The following SHC4 variants were observed in gnomAD, a reference collection of about 807,000 sequenced individuals.
The protein encoded by SHC4 is SHC-transforming protein 4.
SHC4 carries 41 observed loss-of-function variants against 69.4 expected under a neutral mutation model. The ratio of observed to expected loss-of-function variants is 0.59; its 90% CI spans 0.46 to 0.77. SHC4 has a LOEUF of 0.77. Among genes scored for constraint, SHC4 ranks in the 30% least tolerant of loss-of-function variants. SHC4 has a pLI of 0.00. For synonymous variants in SHC4, 318 were observed against 299.3 expected (o/e 1.06, Z -0.64); for missense variants, 777 against 783.8 (o/e 0.99, Z 0.10).
At chr15:48,875,983 T>C (rs1372700115) in intron 4 of SHC4, among the ~76,000 whole-genome samples, 2 of 152,238 alleles carry the variant, frequency 1.3e-5, no homozygotes, top group African/African-American at 4.8e-5. Flanking sequence ...CACACACGTC[T>C]TCTCTTACAC....
chr15:48,888,061 C>G (rs1405897848), intron 3 of SHC4, among the ~76,000 whole-genome samples: 3 of 151,942 alleles, frequency 2.0e-5, no homozygotes, highest in Non-Finnish European at 4.4e-5. Flanking sequence ...TATGGCAGTT[C>G]CTAAAAAAAT....
intron 10 of SHC4, among the ~76,000 whole-genome samples, chr15:48,839,138 A>G (rs984382453): frequency 1.3e-5 from 2 of 152,220 alleles, no homozygotes; most frequent in Non-Finnish European, 2.9e-5. Context: ...AAAATTACCA[A>G]TAACAGGAAA....
intron 1 of SHC4, among the ~76,000 whole-genome samples, chr15:48,952,109 G>A (rs956794578): frequency 2.6e-5 from 4 of 152,184 alleles, no homozygotes; most frequent in African/African-American, 9.7e-5. Flanking sequence ...CAAGCTGAGA[G>A]GGATGTGGGA....
At chr15:48,828,407 T>C (rs1420666107) in intron 11 of SHC4, among the ~76,000 whole-genome samples, 1 of 152,198 alleles carries the variant, frequency 6.6e-6, no homozygotes, top group African/African-American at 2.4e-5. Context: ...ATTTATTGTT[T>C]AGTGGATCTT....
chr15:48,923,698 G>A, intron 2 of SHC4, among the ~76,000 whole-genome samples: 1 of 130,744 alleles, frequency 7.6e-6, no homozygotes. Context: ...GGAGTGTATT[G>A]GCACAATCAT....
intron 2 of SHC4, among the ~76,000 whole-genome samples, chr15:48,909,409 CTT>C (rs1455782607): frequency 6.6e-6 from 1 of 151,850 alleles, no homozygotes; most frequent in Non-Finnish European, 1.5e-5. Context: ...TATCCAGAAA[CTT>C]TGCTGAATTC....
At chr15:48,838,400 T>C (rs999006567) in intron 10 of SHC4, among the ~76,000 whole-genome samples, 7 of 152,220 alleles carry the variant, frequency 4.6e-5, no homozygotes, top group Non-Finnish European at 7.3e-5. Flanking sequence ...AATCTGTGAA[T>C]AATGATAATT....
chr15:48,869,666 A>G (rs1474014857), intron 5 of SHC4, among the ~76,000 whole-genome samples: 1 of 152,238 alleles, frequency 6.6e-6, no homozygotes, highest in East Asian at 1.9e-4. Flanking sequence ...ACTTGACTCC[A>G]AAGCCTGGCA....
chr15:48,872,273 C>A, intron 4 of SHC4, 131 bp from the exon 5 acceptor site: 1 of 539,760 alleles, frequency 1.9e-6, no homozygotes, highest in Non-Finnish European at 3.3e-6. Context: ...AACCACCCAA[C>A]CTACACTCTA....
At chr15:48,860,869 T>G (rs1899426750) in intron 6 of SHC4, among the ~76,000 whole-genome samples, 1 of 152,240 alleles carries the variant, frequency 6.6e-6, no homozygotes, top group Non-Finnish European at 1.5e-5. Flanking sequence ...CTTTGAAGTC[T>G]TTTTGTTTTA....
chr15:48,860,721 G>A (rs969408964), intron 6 of SHC4, among the ~76,000 whole-genome samples: 7 of 152,126 alleles, frequency 4.6e-5, no homozygotes, highest in African/African-American at 1.7e-4. Flanking sequence ...AGGGCGATGA[G>A]AGAATAGGAT....
intron 10 of SHC4, among the ~76,000 whole-genome samples, chr15:48,838,025 AT>A (rs2140969679): frequency 1.3e-5 from 2 of 152,336 alleles, no homozygotes; most frequent in South Asian, 4.1e-4. Context: ...ATTAATTATT[AT>A]TTTAGCAAAG....
Position 48,962,745 on chromosome 15 carries a change from C to A in SHC4, c.271G>T (p.Ala91Ser), listed in dbSNP as rs202092595. 1 of 1,613,468 alleles carries A rather than the reference C, an allele frequency of 6.2e-7. No homozygotes were observed. Among genetic ancestry groups the A allele is most frequent in the East Asian group, 2.2e-5 (1 of 44,870 alleles). The change falls in exon 1 of 12, where the codon GCA becomes TCA. Residue 91 changes from alanine to serine, a missense_variant. Physicochemically the swap from Ala to Ser is moderately conservative, Grantham distance 99. Coordinates refer to ENST00000332408, the MANE Select transcript of SHC4 (RefSeq NM_203349.4). Reference sequence around the variant, plus strand: ...GCCGGGTTGGCCAGCTTCATGCTTGCCATGCGGGGGATCAAGGTGCACAGT... The same window carrying A: ...GCCGGGTTGGCCAGCTTCATGCTTGACATGCGGGGGATCAAGGTGCACAGT... ...TPLCTLIPRMASMKLANPATL... is the reference protein window; with the variant it reads ...TPLCTLIPRMSSMKLANPATL...
chr15:48,884,177 T>C lies in SHC4; in HGVS notation c.840+71A>G, dbSNP rs1168564408. On this transcript the variant is annotated intron_variant, in intron 4 of 11. Coordinates refer to ENST00000332408, the MANE Select transcript of SHC4 (RefSeq NM_203349.4). ...AGGCATACTCTGTCTAAAACTTTAT[T>C]CTTTTCATTATCCCCACGCTTCTCT... 3 of 1,469,916 alleles carry C rather than the reference T, an allele frequency of 2.0e-6. No homozygotes were observed. The African/African-American group carries it at 4.3e-5, about 21-fold the overall frequency. The allele number at this position is 1,469,916 out of a possible 1,614,324, so 91.1% of individuals were successfully genotyped here.
intron 6 of SHC4, among the ~76,000 whole-genome samples, chr15:48,867,405 T>C (rs1899583993): frequency 6.6e-6 from 1 of 152,084 alleles, no homozygotes; most frequent in Non-Finnish European, 1.5e-5. Context: ...TACAGGCTCT[T>C]GAACAGCAAG....
At chr15:48,876,512 T>C (rs1244109924) in intron 4 of SHC4, 4 of 583,914 alleles carry the variant, frequency 6.9e-6, no homozygotes, top group Non-Finnish European at 1.2e-5. Context: ...TATATGTATA[T>C]ATATGTAAAG....
chr15:48,923,173 T>A (rs1035533658), intron 2 of SHC4, among the ~76,000 whole-genome samples: 1 of 152,212 alleles, frequency 6.6e-6, no homozygotes, highest in African/African-American at 2.4e-5. Context: ...TCAATCAGCA[T>A]TTCCTAAGGC....
intron 11 of SHC4, among the ~76,000 whole-genome samples, chr15:48,834,078 A>G (rs1898857138): frequency 6.6e-6 from 1 of 152,156 alleles, no homozygotes; most frequent in Non-Finnish European, 1.5e-5. Flanking sequence ...ATGCCTCCCC[A>G]CTGCCTGGCA....
In SHC4 at chr15:48,823,814, A is replaced by G. The variant is rs1443078253; in HGVS notation, c.*2157T>C. ...TTATAGGCAAATGGATTTCCACTTTAAGACAGATAAAGAATGTGAGATTAA... is the reference window on the plus strand; with the variant it reads ...TTATAGGCAAATGGATTTCCACTTTGAGACAGATAAAGAATGTGAGATTAA... On this transcript the variant is annotated 3_prime_UTR_variant, in exon 12 of 12. Coordinates refer to ENST00000332408, the MANE Select transcript of SHC4 (RefSeq NM_203349.4). 1.3e-5 allele frequency: 2 copies of G among 152,246 alleles called. No homozygotes were observed. Among genetic ancestry groups the G allele is most frequent in the Non-Finnish European group, 2.9e-5 (2 of 68,042 alleles). 9.4% of individuals were successfully genotyped at this position (152,246 alleles called of 1,614,324 possible).
Sources: gnomAD v4.1 joint callset for allele counts (sites outside exome capture counted in the v4.1 genomes callset) on GRCh38, gnomAD v4.1.1 for gene constraint, MANE v1.5 for transcripts, NCBI Gene and HGNC (gene_info 2026-07-23, HGNC 2026-07-21) for gene names.